MYOZ1: variants seen among roughly 807,000 people sequenced by gnomAD.
The protein encoded by MYOZ1 is myozenin-1.
Under a neutral mutation model 28.7 loss-of-function variants are expected in MYOZ1, and 20 were observed. The ratio of observed to expected loss-of-function variants is 0.70; its 90% CI spans 0.49 to 1.01. The LOEUF is 1.01. MYOZ1 is among the 50% of genes least tolerant of loss of function. The probability of loss-of-function intolerance (pLI) is 0.00; values close to 1 mark genes in which losing one functional copy is unlikely to be tolerated. For synonymous variants in MYOZ1, 144 were observed against 145.8 expected, an observed-to-expected ratio of 0.99 and a Z score of 0.09; for missense variants, 371 against 372.4, an observed-to-expected ratio of 1.00 and a Z score of 0.03.
intron 5 of MYOZ1, 80 bp from the exon 6 acceptor site, chr10:73,632,241 G>T: frequency 8.0e-7 from 1 of 1,249,306 alleles, no homozygotes; most frequent in Non-Finnish European, 1.1e-6. Flanking sequence ...CCCTCTTTGA[G>T]AATAGGGAAG....
intron 2 of MYOZ1, among the ~76,000 whole-genome samples, chr10:73,639,040 C>A (rs2081687319): frequency 6.7e-6 from 1 of 148,898 alleles, no homozygotes; most frequent in African/African-American, 2.5e-5. Context: ...CTCCTGGGCT[C>A]AAGTGGTCCT....
At chr10:73,634,316 C>T (rs1253707869) in intron 4 of MYOZ1, among the ~76,000 whole-genome samples, 168 bp downstream of exon 4, 1 of 151,998 alleles carries the variant, frequency 6.6e-6, no homozygotes, top group Non-Finnish European at 1.5e-5. Flanking sequence ...TACTCCTGGA[C>T]CCAGGTAATT....
At chr10:73,637,171 C>T (rs1031997891) in intron 3 of MYOZ1, among the ~76,000 whole-genome samples, 1 of 151,778 alleles carries the variant, frequency 6.6e-6, no homozygotes, top group Non-Finnish European at 1.5e-5. Context: ...CACGACCACG[C>T]CCAGCTAATT....
In MYOZ1 at chr10:73,632,030, G is replaced by T; in HGVS notation, c.800C>A (p.Ser267Tyr). Residue 267 changes from serine to tyrosine, a missense_variant, in exon 6 of 6, where the codon TCT (serine) becomes TAT (tyrosine). Coordinates refer to ENST00000359322, the MANE Select transcript of MYOZ1 (RefSeq NM_021245.4). Reference protein sequence around the residue: ...LYNQNLSNRPSFNRTPIPWLS... With the variant: ...LYNQNLSNRPYFNRTPIPWLS... ...CCAGGGAATAGGGGTTCGATTGAAA[G>T]AAGGCCTGTTGGAGAGGTTTTGGTT... 6.2e-7 allele frequency: 1 copy of T among 1,614,168 alleles called. No homozygotes were observed. Among genetic ancestry groups the T allele is most frequent in the East Asian group, 2.2e-5 (1 of 44,870 alleles).
intron 4 of MYOZ1, 152 bp downstream of exon 4, chr10:73,634,332 A>T (rs1021723102): frequency 1.2e-5 from 12 of 1,021,252 alleles, no homozygotes; most frequent in Non-Finnish European, 1.6e-5. Flanking sequence ...TAATTCACCA[A>T]GATATTTATG....
Position 73,634,062 on chromosome 10 carries a change from T to A in MYOZ1, c.506A>T (p.Asp169Val). Residue 169 changes from aspartate to valine, a missense_variant, in exon 5 of 6, where the codon GAC (aspartate) becomes GTC (valine). By Grantham distance (152) the Asp-to-Val change is radical (BLOSUM62 -3). Coordinates refer to ENST00000359322, the MANE Select transcript of MYOZ1 (RefSeq NM_021245.4). ...ATGTTTTCCTTCTCCGCCTGCCTGG[T>A]CTCCTGGTAGCCATGGGAGAGAAAA... ...TAGVGETGSG[D>V]QAGGEGKHIT... 2 of 1,613,940 alleles carry A rather than the reference T, an allele frequency of 1.2e-6. No homozygotes were observed. The highest frequency in any genetic ancestry group is 1.7e-6 in the Non-Finnish European group (2 of 1,179,954).
chr10:73,638,800 G>A (rs1263664367), intron 2 of MYOZ1, among the ~76,000 whole-genome samples: 4 of 151,274 alleles, frequency 2.6e-5, no homozygotes, highest in Admixed American at 6.6e-5. Flanking sequence ...CCAAGTAGCC[G>A]GGATTACAGG....
chr10:73,633,472 TAATCCC>T (rs2132404811), intron 5 of MYOZ1, among the ~76,000 whole-genome samples: 1 of 152,240 alleles, frequency 6.6e-6, no homozygotes, highest in Admixed American at 6.5e-5. Flanking sequence ...CTCACCCCTG[TAATCCC>T]AGGTCTCAGG....
intron 5 of MYOZ1, among the ~76,000 whole-genome samples, chr10:73,632,542 A>G (rs2081640990): frequency 6.6e-6 from 1 of 151,892 alleles, no homozygotes; most frequent in Non-Finnish European, 1.5e-5. Flanking sequence ...AGGTGGGTGG[A>G]TCACTTGAGA....
chr10:73,634,354 G>C, intron 4 of MYOZ1, 130 bp downstream of exon 4: 1 of 1,090,072 alleles, frequency 9.2e-7, no homozygotes, highest in Non-Finnish European at 1.2e-6. Context: ...TATTTAAACT[G>C]ATATTATTAT....
chr10:73,634,339 TATG>T (rs2081653825), intron 4 of MYOZ1, 142 bp downstream of exon 4: 3 of 1,040,840 alleles, frequency 2.9e-6, no homozygotes, highest in Non-Finnish European at 3.9e-6. Context: ...CCAAGATATT[TATG>T]ATATTTAAAC....
Position 73,634,697 on chromosome 10 carries a change from G to A in MYOZ1, c.289C>T (p.Gln97Ter). 6.2e-7 allele frequency: 1 copy of A among 1,614,088 alleles called. No homozygotes were observed. Among genetic ancestry groups the A allele is most frequent in the Non-Finnish European group, 8.5e-7 (1 of 1,179,944 alleles). The change falls in exon 4 of 6, where the codon CAG (glutamine) becomes TAG (stop). Residue 97 changes from glutamine to a stop codon, truncating the protein, a stop_gained. Coordinates refer to ENST00000359322, the MANE Select transcript of MYOZ1 (RefSeq NM_021245.4). LOFTEE classifies it high-confidence loss of function. Reference sequence around the variant, plus strand: ...AATCCCTGACCAGCTGTGCCCAGCTGTCCCCCCACTGTTGGAAGGAACTTC... The same window carrying A: ...AATCCCTGACCAGCTGTGCCCAGCTATCCCCCCACTGTTGGAAGGAACTTC... ...FQKFLPTVGG[Q>*]LGTAGQGFSY...
chr10:73,637,212 A>T (rs2081672683), intron 3 of MYOZ1, among the ~76,000 whole-genome samples: 1 of 151,114 alleles, frequency 6.6e-6, no homozygotes, highest in South Asian at 2.1e-4. Context: ...TGGGGGTTTC[A>T]CCATGTTGGC....
rs768785792 is a variant in MYOZ1, at chr10:73,634,698, T to TC, written c.287dup (p.Gln97ThrfsTer34). On this transcript the variant is annotated frameshift_variant, in exon 4 of 6. Transcript: ENST00000359322. LOFTEE classifies it high-confidence loss of function. ...ATCCCTGACCAGCTGTGCCCAGCTG[T>TC]CCCCCCACTGTTGGAAGGAACTTCT... The TC allele has an allele frequency of 1.2e-6, 2 of 1,613,550 alleles. No homozygotes were observed. The highest frequency in any genetic ancestry group is 1.3e-5 in the African/African-American group (1 of 74,782).
At position 73,634,486 on chromosome 10, in the gene MYOZ1, G is replaced by A. The variant is rs1483648579; in HGVS notation, c.500C>T (p.Ser167Leu). Residue 167 changes from serine (S) to leucine (L), a missense_variant and splice_region_variant, in exon 4 of 6, where the codon TCA (serine) becomes TTA (leucine). Physicochemically the swap from Ser to Leu is moderately radical, Grantham distance 145 (BLOSUM62 -2). Transcript: ENST00000359322. ...TACTCTTGGGTGAGTGTACTTGCCT[G>A]ATCCTGTCTCACCAACCCCTGCTGT... ...AGTAGVGETG[S>L]GDQAGGEGKH... 5.6e-6 allele frequency: 9 copies of A among 1,613,884 alleles called. No individual in the cohort carries two copies. The Admixed American group carries it at 1.3e-4, about 24-fold the overall frequency.
chr10:73,637,530 C>A (rs377532595), intron 3 of MYOZ1, among the ~76,000 whole-genome samples: 1 of 152,162 alleles, frequency 6.6e-6, no homozygotes, highest in South Asian at 2.1e-4. Flanking sequence ...GTGGTATTCT[C>A]CAACCCTTCA....
chr10:73,634,924 A>AT (rs1400133138), intron 3 of MYOZ1, among the ~76,000 whole-genome samples, 191 bp from the exon 4 acceptor site: 10 of 152,028 alleles, frequency 6.6e-5, no homozygotes, highest in African/African-American at 2.4e-4. Context: ...TGTTTGTTTG[A>AT]TTTTTTGTGG....
intron 2 of MYOZ1, among the ~76,000 whole-genome samples, chr10:73,638,356 A>G (rs948026391): frequency 1.3e-4 from 19 of 151,054 alleles, no homozygotes; most frequent in African/African-American, 4.6e-4. Context: ...TTTTTGAGAC[A>G]GAGTCCTGCT....
At chr10:73,640,285 G>T (rs1213811144) in intron 1 of MYOZ1, among the ~76,000 whole-genome samples, 3 of 152,054 alleles carry the variant, frequency 2.0e-5, no homozygotes, top group African/African-American at 7.2e-5. Context: ...AAGTAGCTGG[G>T]ACTATAGGTG....
Sources: allele counts gnomAD v4.1 joint callset (sites outside exome capture counted in the v4.1 genomes callset), GRCh38; gene constraint gnomAD v4.1.1; transcripts MANE v1.5; gene names NCBI Gene and HGNC (gene_info 2026-07-23, HGNC 2026-07-21).